TRIM6: variants seen among roughly 807,000 people sequenced by gnomAD.
TRIM6 encodes the protein tripartite motif-containing protein 6.
In TRIM6, 43 loss-of-function variants were observed where a neutral mutation model predicts 51.2. That is an observed-to-expected ratio of 0.84 (90% confidence interval 0.66 to 1.08). The LOEUF (loss-of-function observed/expected upper bound fraction) is 1.08, where lower values mean the gene tolerates loss of function less well. TRIM6 is among the 50% of genes least tolerant of loss of function. TRIM6 has a pLI of 0.00. For synonymous variants in TRIM6, 215 were observed against 232.4 expected, an observed-to-expected ratio of 0.93 and a Z score of 0.68; for missense variants, 669 against 619.0, an observed-to-expected ratio of 1.08 and a Z score of -0.86.
chr11:5,604,814 T>A, intron 3 of TRIM6, 185 bp downstream of exon 3: 3 of 577,982 alleles, frequency 5.2e-6, no homozygotes, highest in Middle Eastern at 4.7e-4. Context: ...AGCAAATATA[T>A]CAAAACTGAA....
chr11:5,597,926 T>TGTTA (rs1847571896), intron 1 of TRIM6, among the ~76,000 whole-genome samples: 1 of 151,564 alleles, frequency 6.6e-6, no homozygotes, highest in Non-Finnish European at 1.5e-5. Flanking sequence ...AGAACTTTAA[T>TGTTA]ATTAAAGTGC....
At chr11:5,605,216 C>T (rs942341077) in intron 3 of TRIM6, 121 bp from the exon 4 acceptor site, 2 of 1,321,792 alleles carry the variant, frequency 1.5e-6, no homozygotes, top group Non-Finnish European at 2.2e-6. Flanking sequence ...AGCATTTACC[C>T]TCCCTCTCCC....
intron 1 of TRIM6, among the ~76,000 whole-genome samples, chr11:5,598,155 C>G (rs1344743281): frequency 1.3e-5 from 2 of 152,204 alleles, no homozygotes; most frequent in Admixed American, 6.5e-5. Flanking sequence ...AATGCCTTCT[C>G]TCAGCCCGTC....
chr11:5,611,097 C>A lies in TRIM6; in HGVS notation c.1306C>A (p.His436Asn). 6.2e-7 allele frequency: 1 copy of A among 1,614,162 alleles called. No homozygotes were observed. Among genetic ancestry groups the A allele is most frequent in the Non-Finnish European group, 8.5e-7 (1 of 1,180,030 alleles). ...QSGYWVIGLQ[H>N]NHEYRAYEDS... The stretch of plus-strand genomic sequence containing the variant: ...TGGATACTGGGTGATTGGGTTACAG[C>A]ATAACCATGAATATAGGGCCTATGA... Residue 436 changes from histidine (H) to asparagine (N), a missense_variant, in exon 8 of 8, where the codon CAT becomes AAT. Coordinates refer to ENST00000380097, the MANE Select transcript of TRIM6 (RefSeq NM_001003818.3).
intron 1 of TRIM6, among the ~76,000 whole-genome samples, chr11:5,601,253 A>G (rs1384663371): frequency 6.6e-6 from 1 of 152,198 alleles, no homozygotes; most frequent in African/African-American, 2.4e-5. Flanking sequence ...GAGTTTGAGG[A>G]CGAAGCTTTG....
intron 2 of TRIM6, 102 bp downstream of exon 2, chr11:5,603,837 C>T (rs1325250877): frequency 2.2e-5 from 33 of 1,478,028 alleles, no homozygotes; most frequent in South Asian, 1.7e-4. Flanking sequence ...CTTTATTTAC[C>T]TAGAGAATGA....
rs1349892494 is a variant in TRIM6, at chr11:5,605,634, T to C, written c.834+67T>C. 2.6e-6 allele frequency: 4 copies of C among 1,510,302 alleles called. No individual in the cohort carries two copies. In the African/African-American group the frequency reaches 5.6e-5, roughly 21 times the overall value. 93.6% of individuals were successfully genotyped at this position (1,510,302 alleles called of 1,614,324 possible). On this transcript the variant is annotated intron_variant, in intron 4 of 7. Transcript: ENST00000380097. Reference sequence around the variant, plus strand: ...AGAGAAACTAACTTTCCTTCCTTTCTGGGACATCAGACTACCATCGTTGCA... The same window carrying C: ...AGAGAAACTAACTTTCCTTCCTTTCCGGGACATCAGACTACCATCGTTGCA...
At chr11:5,606,548 G>GA (rs1267405654) in intron 4 of TRIM6, among the ~76,000 whole-genome samples, 1 of 152,026 alleles carries the variant, frequency 6.6e-6, no homozygotes, top group Non-Finnish European at 1.5e-5. Context: ...CTTAGTATTA[G>GA]AGCCATGGGT....
Position 5,611,499 on chromosome 11 carries a change from G to A in TRIM6, c.*157G>A, listed in dbSNP as rs1412811311. Reference sequence around the variant, plus strand: ...GATGGAATCTCGCTCTGTCGCCCAGGCTGGAGTGCACTGGCGCAATCTCGG... The same window carrying A: ...GATGGAATCTCGCTCTGTCGCCCAGACTGGAGTGCACTGGCGCAATCTCGG... On this transcript the variant is annotated 3_prime_UTR_variant, in exon 8 of 8. Transcript: ENST00000380097. The A allele has an allele frequency of 2.9e-6, 2 of 693,224 alleles. No homozygotes were observed. The highest frequency in any genetic ancestry group is 4.8e-6 in the Non-Finnish European group (2 of 419,200). 42.9% of individuals were successfully genotyped at this position (693,224 alleles called of 1,614,324 possible).
chr11:5,604,530 C>G lies in TRIM6; in HGVS notation c.508-4C>G, dbSNP rs780690666. ...CCTGCTTGACCTGATTTGTTTTCTT[C>G]AAGGAGAAGTTTCAGGAGTCTCTAA... On this transcript the variant is annotated splice_polypyrimidine_tract_variant and splice_region_variant and intron_variant, in intron 2 of 7. Coordinates refer to ENST00000380097, the MANE Select transcript of TRIM6 (RefSeq NM_001003818.3). 4 of 1,608,298 alleles carry G rather than the reference C, an allele frequency of 2.5e-6. No homozygotes were observed. Among genetic ancestry groups the G allele is most frequent in the Non-Finnish European group, 3.4e-6 (4 of 1,177,458 alleles).
In TRIM6 at chr11:5,610,839, C is replaced by A; in HGVS notation, c.1048C>A (p.Gln350Lys). 6.2e-7 allele frequency: 1 copy of A among 1,614,182 alleles called. No homozygotes were observed. Among genetic ancestry groups the A allele is most frequent in the African/African-American group, 1.3e-5 (1 of 75,022 alleles). Residue 350 changes from glutamine (Q) to lysine (K), a missense_variant, in exon 8 of 8, where the codon CAA (glutamine) becomes AAA (lysine). Gln to Lys is a moderately conservative substitution (Grantham distance 53). Coordinates refer to ENST00000380097, the MANE Select transcript of TRIM6 (RefSeq NM_001003818.3). Reference protein sequence around the residue: ...LNLVLAKNRRQVRFVGAKVSG... With the variant: ...LNLVLAKNRRKVRFVGAKVSG... ...TCTTGTCCTGGCTAAAAACCGGAGA[C>A]AAGTGAGGTTTGTGGGAGCTAAAGT...
intron 2 of TRIM6, among the ~76,000 whole-genome samples, chr11:5,604,219 G>A (rs1203809219): frequency 6.6e-6 from 1 of 151,982 alleles, no homozygotes; most frequent in Non-Finnish European, 1.5e-5. Flanking sequence ...TTGCCATGTT[G>A]CCCAGGCTGA....
Position 5,596,745 on chromosome 11 carries a change from C to T in TRIM6, c.-153C>T, listed in dbSNP as rs919881139. Reference sequence around the variant, plus strand: ...ATCCCCTGCCTTTCTCGGAACGGAACGGAGCAGAGTCGTGCGTGGTTGAGT... The same window carrying T: ...ATCCCCTGCCTTTCTCGGAACGGAATGGAGCAGAGTCGTGCGTGGTTGAGT... On this transcript the variant is annotated 5_prime_UTR_variant, in exon 1 of 8. It adds an upstream start codon to the 5' untranslated region. Transcript: ENST00000380097. 4 of 1,199,162 alleles carry T rather than the reference C, an allele frequency of 3.3e-6. No homozygotes were observed. The highest frequency in any genetic ancestry group is 4.8e-6 in the Non-Finnish European group (4 of 832,036). 74.3% of individuals were successfully genotyped at this position (1,199,162 alleles called of 1,614,324 possible).
chr11:5,602,370 G>C (rs183917717), intron 1 of TRIM6, among the ~76,000 whole-genome samples: 2,186 of 151,984 alleles, frequency 0.014, 21 homozygotes, highest in Middle Eastern at 0.024. Flanking sequence ...TTGAACCCAG[G>C]AGGCGGAGCT....
intron 1 of TRIM6, among the ~76,000 whole-genome samples, chr11:5,598,288 T>C (rs1243351412): frequency 1.3e-5 from 2 of 152,206 alleles, no homozygotes; most frequent in African/African-American, 4.8e-5. Context: ...TCACCTATGC[T>C]AACTGTATGC....
Position 5,596,903 on chromosome 11 carries a change from CGG to C in TRIM6, c.8_9del (p.Gly3ValfsTer96), listed in dbSNP as rs768893273. 1 of 1,613,982 alleles carries C rather than the reference CGG, an allele frequency of 6.2e-7. No individual in the cohort carries two copies. Among genetic ancestry groups the C allele is most frequent in the African/African-American group, 1.3e-5 (1 of 74,998 alleles). Reference protein sequence around the residue: MCGSERILQAGNI... With the variant: MCXSERILQAGNI... ...CTTGGCTTCTCATTCCCCAGATGTG[CGG>C]GTCAGAGAGGTATGTCTACCGTTCT... On this transcript the variant is annotated frameshift_variant, in exon 1 of 8. Coordinates refer to ENST00000380097, the MANE Select transcript of TRIM6 (RefSeq NM_001003818.3). LOFTEE classifies it high-confidence loss of function.
rs1271276968 is a variant in TRIM6 at position 5,611,053 on chromosome 11, C to T, written c.1262C>T (p.Ser421Phe). The change falls in exon 8 of 8, where the codon TCC (serine) becomes TTC (phenylalanine). Residue 421 changes from serine (S) to phenylalanine (F), a missense_variant. Transcript: ENST00000380097. ...NHFAQNHSAY[S>F]RYQPQSGYWV... ...TTTGCTCAAAATCACAGTGCTTACT[C>T]CAGGTATCAGCCTCAGAGTGGATAC... 6.2e-7 allele frequency: 1 copy of T among 1,614,166 alleles called. No homozygotes were observed. The highest frequency in any genetic ancestry group is 2.2e-5 in the East Asian group (1 of 44,872).
Position 5,601,743 on chromosome 11 carries a change from G to T in TRIM6, c.18-1503G>T, listed in dbSNP as rs1414607589. 3.3e-5 allele frequency among the ~76,000 whole-genome samples: 5 copies of T among 152,170 alleles called. No individual in the cohort carries two copies. In the East Asian group the frequency reaches 9.6e-4, roughly 29 times the overall value. The stretch of plus-strand genomic sequence containing the variant: ...ACTGCCCTCCAGCCTGGGCGATAGA[G>T]CAAGACTCAGTTTCAACAACAACAA... On this transcript the variant is annotated intron_variant, in intron 1 of 7. Transcript: ENST00000380097.
In TRIM6 at chr11:5,610,143, A is replaced by G; in HGVS notation, c.858-2A>G. ...GGAACTCAGAAGTCCTGTCCTTTCT[A>G]GGAGTGAGTTCTGGACCCTGAGGAA... On this transcript the variant is annotated splice_acceptor_variant, in intron 5 of 7. Coordinates refer to ENST00000380097, the MANE Select transcript of TRIM6 (RefSeq NM_001003818.3). LOFTEE classifies it high-confidence loss of function. 2 of 1,613,976 alleles carry G rather than the reference A, an allele frequency of 1.2e-6. No individual in the cohort carries two copies. The highest frequency in any genetic ancestry group is 2.7e-5 in the African/African-American group (2 of 75,046).
Sources: gnomAD v4.1 joint callset for allele counts (sites outside exome capture counted in the v4.1 genomes callset) on GRCh38, gnomAD v4.1.1 for gene constraint, MANE v1.5 for transcripts, NCBI Gene and HGNC (gene_info 2026-07-23, HGNC 2026-07-21) for gene names.